The following DACH1 variants were observed in gnomAD, a reference collection of about 807,000 sequenced individuals.
DACH1 encodes dachshund homolog 1.
Under a neutral mutation model 54.2 loss-of-function variants are expected in DACH1, and 12 were observed. That is an observed-to-expected ratio of 0.22 (90% CI 0.14 to 0.36). DACH1 has a LOEUF of 0.36. Ranked by LOEUF, DACH1 falls within the 10% of genes least tolerant of loss-of-function variation. The pLI, the probability that DACH1 is intolerant of heterozygous loss-of-function variation, is 1.00. For missense variants in DACH1, 805 were observed against 929.8 expected (o/e 0.87, Z 1.75); for synonymous variants, 386 against 366.2 (o/e 1.05, Z -0.62).
chr13:71,722,767 T>G (rs1307166256), intron 1 of DACH1, among the ~76,000 whole-genome samples: 1 of 152,136 alleles, frequency 6.6e-6, no homozygotes, highest in Non-Finnish European at 1.5e-5. Context: ...CAGTTTTTAC[T>G]TGTATGAACT....
chr13:71,452,573 C>T (rs765728781), intron 10 of DACH1, among the ~76,000 whole-genome samples: 26 of 152,102 alleles, frequency 1.7e-4, no homozygotes, highest in Non-Finnish European at 7.4e-5. Flanking sequence ...ACTGGTCATA[C>T]GGACAGTGTT....
At chr13:71,744,219 TA>T (rs1884515707) in intron 1 of DACH1, among the ~76,000 whole-genome samples, 1 of 152,218 alleles carries the variant, frequency 6.6e-6, no homozygotes, top group Non-Finnish European at 1.5e-5. Context: ...GACTACCTCA[TA>T]ACATATTGTA....
At chr13:71,524,024 G>A (rs1456997744) in intron 6 of DACH1, among the ~76,000 whole-genome samples, 3 of 152,072 alleles carry the variant, frequency 2.0e-5, no homozygotes, top group Non-Finnish European at 4.4e-5. Context: ...CATTAAAAAT[G>A]TTCGTATTTA....
chr13:71,666,770 C>G (rs1001698438), intron 2 of DACH1, among the ~76,000 whole-genome samples: 19 of 152,096 alleles, frequency 1.2e-4, no homozygotes, highest in Admixed American at 1.2e-3. Context: ...TCACCTGAGT[C>G]AGGAGTTCGA....
At chr13:71,725,311 CA>C (rs1307804300) in intron 1 of DACH1, among the ~76,000 whole-genome samples, 1 of 151,928 alleles carries the variant, frequency 6.6e-6, no homozygotes, top group Admixed American at 6.6e-5. Flanking sequence ...AAAAAGAAGA[CA>C]AAAGAGAGAG....
In DACH1 at chr13:71,857,292, C is replaced by G. The variant is rs146041821; in HGVS notation, c.848+8630G>C. 2.9e-3 allele frequency among the ~76,000 whole-genome samples: 433 copies of G among 151,694 alleles called. 3 individuals are homozygous for G. Among genetic ancestry groups the G allele is most frequent in the African/African-American group, 9.4e-3 (390 of 41,438 alleles). On this transcript the variant is annotated intron_variant, in intron 1 of 10. Coordinates refer to ENST00000613252, the MANE Select transcript of DACH1 (RefSeq NM_080759.6). ...TTAAGTATAAACTACTTCTTTAACT[C>G]TAAAATTAATTCTTTTTTTCTGTTG...
chr13:71,841,700 T>C (rs1468707991), intron 1 of DACH1, among the ~76,000 whole-genome samples: 1 of 152,166 alleles, frequency 6.6e-6, no homozygotes, highest in Non-Finnish European at 1.5e-5. Flanking sequence ...CCAAACTGCC[T>C]AGAAATGGGG....
At chr13:71,765,129 C>T (rs1278502828) in intron 1 of DACH1, among the ~76,000 whole-genome samples, 2 of 152,122 alleles carry the variant, frequency 1.3e-5, no homozygotes, top group African/African-American at 2.4e-5. Flanking sequence ...ATTATTCTAC[C>T]GTTATCTCAA....
At chr13:71,584,472 C>G (rs575210099) in intron 3 of DACH1, among the ~76,000 whole-genome samples, 1 of 152,126 alleles carries the variant, frequency 6.6e-6, no homozygotes, top group Admixed American at 6.5e-5. Context: ...GACGACTTGT[C>G]TTTTAATACT....
At chr13:71,831,717 G>A (rs1390655854) in intron 1 of DACH1, among the ~76,000 whole-genome samples, 1 of 151,888 alleles carries the variant, frequency 6.6e-6, no homozygotes, top group African/African-American at 2.4e-5. Flanking sequence ...ATGAACCGAG[G>A]GATAACATAC....
intron 1 of DACH1, among the ~76,000 whole-genome samples, chr13:71,735,019 C>T (rs911955247): frequency 2.0e-5 from 3 of 148,246 alleles, no homozygotes; most frequent in African/African-American, 7.5e-5. Flanking sequence ...TTTATATATA[C>T]ACACACAGGA....
chr13:71,618,991 A>T (rs1337959027), intron 3 of DACH1, among the ~76,000 whole-genome samples: 2 of 151,412 alleles, frequency 1.3e-5, no homozygotes, highest in Non-Finnish European at 3.0e-5. Flanking sequence ...TTTTTTTTGC[A>T]TAGGTGTGAA....
chr13:71,477,243 C>T (rs1179844548), intron 8 of DACH1, among the ~76,000 whole-genome samples: 2 of 149,900 alleles, frequency 1.3e-5, no homozygotes, highest in East Asian at 4.0e-4. Context: ...GCCTCAGCCT[C>T]CCAAGTAGCT....
At chr13:71,477,099 TATA>T (rs1877608090) in intron 8 of DACH1, among the ~76,000 whole-genome samples, 17 of 53,298 alleles carry the variant, frequency 3.2e-4, no homozygotes, top group African/African-American at 1.0e-3. Context: ...TATATATATA[TATA>T]TATTTTTTTT....
intron 1 of DACH1, among the ~76,000 whole-genome samples, chr13:71,759,038 C>A (rs1473438156): frequency 1.3e-5 from 2 of 151,650 alleles, no homozygotes; most frequent in African/African-American, 4.8e-5. Context: ...TTACTCATTT[C>A]CCAAGTCCAT....
chr13:71,837,407 G>C (rs1348608859), intron 1 of DACH1, among the ~76,000 whole-genome samples: 1 of 120,266 alleles, frequency 8.3e-6, no homozygotes, highest in Non-Finnish European at 1.6e-5. Flanking sequence ...CTAAAATATG[G>C]GTTTTTTTTA....
chr13:71,752,351 C>A (rs904045315), intron 1 of DACH1, among the ~76,000 whole-genome samples: 3 of 152,080 alleles, frequency 2.0e-5, no homozygotes, highest in Non-Finnish European at 4.4e-5. Flanking sequence ...GTCTTGGTTT[C>A]TAGTAGCCAT....
intron 1 of DACH1, among the ~76,000 whole-genome samples, chr13:71,735,150 T>G (rs111205654): frequency 0.21 from 11,187 of 53,834 alleles, 3,321 homozygotes; most frequent in Non-Finnish European, 0.31. Flanking sequence ...TCGTATATGG[T>G]TTATACATGT....
chr13:71,510,881 T>C (rs1880723701), intron 6 of DACH1, among the ~76,000 whole-genome samples: 1 of 151,988 alleles, frequency 6.6e-6, no homozygotes, highest in Non-Finnish European at 1.5e-5. Context: ...CATTATTCTA[T>C]GTAACTCTCA....
Sources: allele counts gnomAD v4.1 joint callset (sites outside exome capture counted in the v4.1 genomes callset), GRCh38; gene constraint gnomAD v4.1.1; transcripts MANE v1.5; gene names NCBI Gene and HGNC (gene_info 2026-07-23, HGNC 2026-07-21).